HYKK: variants seen among roughly 807,000 people sequenced by gnomAD.
HYKK encodes 5-hydroxy-L-lysine kinase.
A neutral mutation model predicts 29.7 loss-of-function variants in HYKK; 19 were observed. The ratio of observed to expected loss-of-function variants is 0.64; its 90% CI spans 0.45 to 0.94. The LOEUF is 0.94. Among genes scored for constraint, HYKK ranks in the 40% least tolerant of loss-of-function variants. HYKK has a pLI of 0.00. For synonymous variants in HYKK, 152 were observed against 158.1 expected, an observed-to-expected ratio of 0.96 and a Z score of 0.29; for missense variants, 390 against 443.4, an observed-to-expected ratio of 0.88 and a Z score of 1.08.
chr15:78,524,048 G>A (rs1484386881), intron 3 of HYKK, among the ~76,000 whole-genome samples: 1 of 152,242 alleles, frequency 6.6e-6, no homozygotes, highest in African/African-American at 2.4e-5. Context: ...GGGTCTAGAG[G>A]ATGGTGGCCC....
At chr15:78,528,031 G>T in intron 4 of HYKK, 1 of 155,632 alleles carries the variant, frequency 6.4e-6, no homozygotes, top group Non-Finnish European at 1.4e-5. Flanking sequence ...ATAATTTTTT[G>T]GTCCATTCTC....
intron 3 of HYKK, 40 bp from the exon 4 acceptor site, chr15:78,527,340 G>T: frequency 4.5e-6 from 7 of 1,553,490 alleles, no homozygotes; most frequent in Non-Finnish European, 6.2e-6. Flanking sequence ...AGCAGTGGTT[G>T]CTCTGTCAAG....
intron 3 of HYKK, chr15:78,518,663 A>C: frequency 2.2e-6 from 1 of 444,814 alleles, no homozygotes; most frequent in Non-Finnish European, 4.5e-6. Flanking sequence ...TACGCCTATA[A>C]TCCCAGCACT....
chr15:78,513,554 C>T, intron 2 of HYKK, 129 bp downstream of exon 2: 1 of 677,978 alleles, frequency 1.5e-6, no homozygotes, highest in South Asian at 1.9e-5. Context: ...TTTTTTAGCA[C>T]CTCAATAGTA....
chr15:78,521,062 A>G (rs1345778948), intron 3 of HYKK, among the ~76,000 whole-genome samples: 1 of 152,196 alleles, frequency 6.6e-6, no homozygotes, highest in African/African-American at 2.4e-5. Context: ...GAAAGATAAT[A>G]CACAAGTGTG....
Position 78,527,313 on chromosome 15 carries a change from C to T in HYKK, c.478-67C>T, listed in dbSNP as rs563960741. 54 of 1,292,184 alleles carry T rather than the reference C, an allele frequency of 4.2e-5. No individual in the cohort carries two copies. The East Asian group carries it at 1.0e-3, about 25-fold the overall frequency. 80.0% of individuals were successfully genotyped at this position (1,292,184 alleles called of 1,614,324 possible). A position where few individuals can be genotyped will look rare whatever the true frequency, so the allele number is the denominator to read the frequency against. ...AAAAAAAAAAAAAAAAAATGTGCAGCACCTCCCACCTCTCTCAGCAGTGGT... is the reference window on the plus strand; with the variant it reads ...AAAAAAAAAAAAAAAAAATGTGCAGTACCTCCCACCTCTCTCAGCAGTGGT... On this transcript the variant is annotated intron_variant, in intron 3 of 4. Coordinates refer to ENST00000388988, the MANE Select transcript of HYKK (RefSeq NM_001013619.4).
At chr15:78,508,491 G>T (rs898347103) in intron 1 of HYKK, among the ~76,000 whole-genome samples, 150 of 152,218 alleles carry the variant, frequency 9.9e-4, no homozygotes, top group African/African-American at 3.4e-3. Flanking sequence ...ACAAAGTACA[G>T]AGCTTAAGTT....
At chr15:78,529,764 C>G (rs2052291994) in intron 4 of HYKK, among the ~76,000 whole-genome samples, 1 of 152,098 alleles carries the variant, frequency 6.6e-6, no homozygotes, top group South Asian at 2.1e-4. Context: ...GAGTCCTTTA[C>G]TAGTTATATG....
Position 78,527,376 on chromosome 15 carries a change from T to G in HYKK, c.478-4T>G, listed in dbSNP as rs747577715. 7.4e-6 allele frequency: 12 copies of G among 1,613,562 alleles called. No homozygotes were observed. The South Asian group carries it at 1.1e-4, about 15-fold the overall frequency. On this transcript the variant is annotated splice_region_variant and splice_polypyrimidine_tract_variant and intron_variant, in intron 3 of 4. Coordinates refer to ENST00000388988, the MANE Select transcript of HYKK (RefSeq NM_001013619.4). ...AGACTAAGAATATCTCGCTTTTGATTTAGAGATTCCATCACCCAAAGTTAA... is the reference window on the plus strand; with the variant it reads ...AGACTAAGAATATCTCGCTTTTGATGTAGAGATTCCATCACCCAAAGTTAA...
chr15:78,523,238 A>AGTG (rs2052216244), intron 3 of HYKK, among the ~76,000 whole-genome samples: 2 of 152,244 alleles, frequency 1.3e-5, no homozygotes, highest in Non-Finnish European at 2.9e-5. Context: ...AGGAGGCCTC[A>AGTG]GGAAGCTTCT....
At chr15:78,524,989 G>T (rs1277036276) in intron 3 of HYKK, among the ~76,000 whole-genome samples, 1 of 152,064 alleles carries the variant, frequency 6.6e-6, no homozygotes, top group Non-Finnish European at 1.5e-5. Context: ...ATGAGATTTG[G>T]TGGGGACACA....
rs939291193 is a variant in HYKK, at chr15:78,520,492, C to T, written c.477+5385C>T. Among the ~76,000 whole-genome samples, 8 of 152,024 alleles carry T rather than the reference C, an allele frequency of 5.3e-5. No individual in the cohort carries two copies. The East Asian group carries it at 5.8e-4, about 11-fold the overall frequency. On this transcript the variant is annotated intron_variant, in intron 3 of 4. Transcript: ENST00000388988. ...CTGTTTAAGAAAGCACATCTTGCAC[C>T]GCCCTTAATCCATTTAACCCTGAGT...
rs934884586 is a variant in HYKK at position 78,536,493 on chromosome 15, G to C, written c.*2823G>C. On this transcript the variant is annotated 3_prime_UTR_variant, in exon 5 of 5. Transcript: ENST00000388988. ...GACTGAAACTTGGGTTTCACTTCCA[G>C]ACCAGTGTTGATCCTCTGAATTGAT... 1 of 152,222 alleles carries C rather than the reference G, an allele frequency of 6.6e-6. No individual in the cohort carries two copies. The highest frequency in any genetic ancestry group is 2.4e-5 in the African/African-American group (1 of 41,452). The allele number at this position is 152,222 out of a possible 1,614,324, so 9.4% of individuals were successfully genotyped here.
chr15:78,521,426 TGA>T (rs1293321990), intron 3 of HYKK, among the ~76,000 whole-genome samples: 1 of 151,746 alleles, frequency 6.6e-6, no homozygotes, highest in Non-Finnish European at 1.5e-5. Flanking sequence ...GGGTGGAGAA[TGA>T]GGGAGTTATT....
At chr15:78,513,499 T>C in intron 2 of HYKK, 74 bp downstream of exon 2, 1 of 1,020,326 alleles carries the variant, frequency 9.8e-7, no homozygotes, top group Non-Finnish European at 1.5e-6. Flanking sequence ...AGTAGAACTA[T>C]GAAGAGCAGG....
At chr15:78,532,808 A>T (rs1022290325) in intron 4 of HYKK, among the ~76,000 whole-genome samples, 20 of 152,202 alleles carry the variant, frequency 1.3e-4, no homozygotes, top group Non-Finnish European at 2.6e-4. Context: ...ATAAAAATTT[A>T]AAAATAAAAT....
rs146515257 is a variant in HYKK, at chr15:78,533,346, G to T, written c.798G>T (p.Val266=). 23 of 1,614,192 alleles carry T rather than the reference G, an allele frequency of 1.4e-5. No homozygotes were observed. In the African/African-American group the frequency reaches 2.8e-4, roughly 20 times the overall value. ...DMSYGYYVFE[V]AITIMYMMIE... is the part of the protein sequence containing the mutation. ...GCTATGGCTACTATGTGTTTGAAGT[G>T]GCAATTACCATCATGTACATGATGA... The change falls in exon 5 of 5, where the codon GTG becomes GTT. Residue 266 remains valine (V), a synonymous_variant. Coordinates refer to ENST00000388988, the MANE Select transcript of HYKK (RefSeq NM_001013619.4).
At position 78,533,790 on chromosome 15, in the gene HYKK, C is replaced by G; in HGVS notation, c.*120C>G. On this transcript the variant is annotated 3_prime_UTR_variant, in exon 5 of 5. Transcript: ENST00000388988. ...AATCAACTGATGGAATGGATCAATT[C>G]TGAATATGACAGAGCACATGAAATC... The G allele has an allele frequency of 1.5e-6, 1 of 683,090 alleles. No individual in the cohort carries two copies. The highest frequency in any genetic ancestry group is 2.7e-5 in the East Asian group (1 of 37,150). The allele number at this position is 683,090 out of a possible 1,614,324, so 42.3% of individuals were successfully genotyped here. A position where few individuals can be genotyped will look rare whatever the true frequency, so the allele number is the denominator to read the frequency against.
At chr15:78,509,486 CT>C (rs1331021083) in intron 1 of HYKK, among the ~76,000 whole-genome samples, 1 of 152,232 alleles carries the variant, frequency 6.6e-6, no homozygotes. Context: ...ATGGGAACAT[CT>C]GGAATAGAAA....
Sources: allele counts gnomAD v4.1 joint callset (sites outside exome capture counted in the v4.1 genomes callset), GRCh38; gene constraint gnomAD v4.1.1; transcripts MANE v1.5; gene names NCBI Gene and HGNC (gene_info 2026-07-23, HGNC 2026-07-21).